LINGO2: variants seen among roughly 807,000 people sequenced by gnomAD.
The protein encoded by LINGO2 is leucine-rich repeat and immunoglobulin-like domain-containing nogo receptor-interacting protein 2.
LINGO2 carries 14 observed loss-of-function variants against 30.6 expected under a neutral mutation model. That is an observed-to-expected ratio of 0.46 (90% confidence interval 0.30 to 0.72). The LOEUF (loss-of-function observed/expected upper bound fraction) is 0.72, where lower values mean the gene tolerates loss of function less well. LINGO2 is among the 30% of genes least tolerant of loss of function. LINGO2 has a pLI of 0.07. For missense variants in LINGO2, 729 were observed against 751.7 expected (o/e 0.97, Z 0.35); for synonymous variants, 317 against 288.5 (o/e 1.10, Z -1.00).
intron 3 of LINGO2, among the ~76,000 whole-genome samples, chr9:28,298,870 A>G (rs1208719334): frequency 1.3e-5 from 2 of 152,228 alleles, no homozygotes; most frequent in Non-Finnish European, 2.9e-5. Flanking sequence ...CAAGACCAAA[A>G]TAACATTTGG....
At chr9:28,218,805 C>T (rs1054988739) in intron 4 of LINGO2, among the ~76,000 whole-genome samples, 2 of 152,116 alleles carry the variant, frequency 1.3e-5, no homozygotes, top group Non-Finnish European at 2.9e-5. Context: ...CCCTGATATG[C>T]TAATGTTTCA....
At chr9:28,231,211 T>C (rs1821343856) in intron 4 of LINGO2, among the ~76,000 whole-genome samples, 1 of 151,488 alleles carries the variant, frequency 6.6e-6, no homozygotes, top group African/African-American at 2.4e-5. Context: ...TAAAGATAGG[T>C]AAGGATATTA....
At chr9:29,082,858 A>G in the LINGO2 span, among the ~76,000 whole-genome samples, 1 of 152,204 alleles carries the variant, frequency 6.6e-6, no homozygotes, top group Non-Finnish European at 1.5e-5. Flanking sequence ...GCCATCAGAG[A>G]AATGCAAATC....
chr9:28,017,854 A>T (rs1188966834), intron 4 of LINGO2, among the ~76,000 whole-genome samples: 1 of 152,194 alleles, frequency 6.6e-6, no homozygotes, highest in East Asian at 1.9e-4. Context: ...GGAAAAAACT[A>T]TTTTAAAATT....
chr9:29,157,983 C>T, the LINGO2 span, among the ~76,000 whole-genome samples: 1 of 151,978 alleles, frequency 6.6e-6, no homozygotes, highest in African/African-American at 2.4e-5. Flanking sequence ...ATACTTTGTT[C>T]CCTACATGAT....
intron 5 of LINGO2, among the ~76,000 whole-genome samples, chr9:27,997,258 G>A (rs1821712742): frequency 6.6e-6 from 1 of 152,200 alleles, no homozygotes; most frequent in Non-Finnish European, 1.5e-5. Flanking sequence ...AGATGTGAAA[G>A]ACTTAAGATG....
chr9:28,968,103 T>C, the LINGO2 span, among the ~76,000 whole-genome samples: 1 of 152,122 alleles, frequency 6.6e-6, no homozygotes, highest in Non-Finnish European at 1.5e-5. Flanking sequence ...AATGGACTAA[T>C]GAAATCACTA....
At chr9:28,031,010 A>C (rs1357078399) in intron 4 of LINGO2, among the ~76,000 whole-genome samples, 1 of 152,170 alleles carries the variant, frequency 6.6e-6, no homozygotes, top group African/African-American at 2.4e-5. Flanking sequence ...ACAAGGATTT[A>C]AATGATATGA....
chr9:29,164,212 A>T, the LINGO2 span, among the ~76,000 whole-genome samples: 1 of 152,142 alleles, frequency 6.6e-6, no homozygotes, highest in African/African-American at 2.4e-5. Context: ...AAAGTGGATT[A>T]TCCACCCCTT....
intron 5 of LINGO2, among the ~76,000 whole-genome samples, chr9:27,990,278 G>A (rs1011837564): frequency 7.8e-6 from 1 of 128,582 alleles, no homozygotes; most frequent in Admixed American, 7.6e-5. Context: ...ATCTAATGTA[G>A]CTTTGCCACT....
At chr9:28,703,030 G>A in the LINGO2 span, among the ~76,000 whole-genome samples, 1 of 150,940 alleles carries the variant, frequency 6.6e-6, no homozygotes, top group East Asian at 2.0e-4. Context: ...TTCTTAGCCT[G>A]GCTATATGCT....
At chr9:27,979,339 T>C (rs528370938) in intron 5 of LINGO2, among the ~76,000 whole-genome samples, 2 of 152,050 alleles carry the variant, frequency 1.3e-5, no homozygotes, top group African/African-American at 4.8e-5. Context: ...TGGTTTTCTA[T>C]AAGCTTAACA....
At chr9:28,339,004 T>C (rs912723225) in intron 3 of LINGO2, among the ~76,000 whole-genome samples, 2 of 152,134 alleles carry the variant, frequency 1.3e-5, no homozygotes, top group Non-Finnish European at 2.9e-5. Context: ...AAGAGAATGA[T>C]ACTCCCAAGT....
At chr9:28,803,336 T>C in the LINGO2 span, among the ~76,000 whole-genome samples, 3 of 151,930 alleles carry the variant, frequency 2.0e-5, no homozygotes, top group African/African-American at 7.2e-5. Context: ...TGTGTGTGTG[T>C]ATACTATCAT....
chr9:28,249,859 G>A (rs1822132903), intron 4 of LINGO2, among the ~76,000 whole-genome samples: 1 of 152,110 alleles, frequency 6.6e-6, no homozygotes, highest in Admixed American at 6.6e-5. Context: ...TGAAGTGATA[G>A]AAGAAATAGA....
At chr9:28,948,059 A>G in the LINGO2 span, among the ~76,000 whole-genome samples, 4 of 152,000 alleles carry the variant, frequency 2.6e-5, no homozygotes, top group South Asian at 4.1e-4. Context: ...TTCCAATCCA[A>G]TTTGATGTAC....
chr9:29,150,772 G>A, the LINGO2 span, among the ~76,000 whole-genome samples: 2 of 152,060 alleles, frequency 1.3e-5, no homozygotes, highest in Admixed American at 1.3e-4. Flanking sequence ...CCAATCCAAT[G>A]ATTCATTGAC....
chr9:28,403,217 T>G (rs1822343728), intron 2 of LINGO2, among the ~76,000 whole-genome samples: 1 of 152,182 alleles, frequency 6.6e-6, no homozygotes, highest in Non-Finnish European at 1.5e-5. Flanking sequence ...CTTCATGGAC[T>G]TAATTAATGG....
intron 2 of LINGO2, among the ~76,000 whole-genome samples, chr9:28,455,770 C>T (rs1824821739): frequency 6.6e-6 from 1 of 152,120 alleles, no homozygotes; most frequent in Admixed American, 6.6e-5. Context: ...AGACAGCCTT[C>T]ATCTAATTCT....
Sources: allele counts gnomAD v4.1 joint callset (sites outside exome capture counted in the v4.1 genomes callset), GRCh38; gene constraint gnomAD v4.1.1; transcripts MANE v1.5; gene names NCBI Gene and HGNC (gene_info 2026-07-23, HGNC 2026-07-21).